The following SLC52A2 variants were observed in gnomAD, a reference collection of about 807,000 sequenced individuals.
SLC52A2 encodes solute carrier family 52, riboflavin transporter, member 2.
SLC52A2 carries 16 observed loss-of-function variants against 24.8 expected under a neutral mutation model. The ratio of observed to expected loss-of-function variants is 0.64; its 90% CI spans 0.44 to 0.98. SLC52A2 has a LOEUF of 0.98. Ranked by LOEUF, SLC52A2 falls within the 50% of genes least tolerant of loss-of-function variation. SLC52A2 has a pLI of 0.00. For missense variants in SLC52A2, 612 were observed against 575.9 expected (o/e 1.06, Z -0.64); for synonymous variants, 335 against 276.3 (o/e 1.21, Z -2.11).
chr8:144,360,108 G>T lies in SLC52A2; in HGVS notation c.616G>T (p.Ala206Ser). The T allele has an allele frequency of 6.2e-7, 1 of 1,612,944 alleles. No homozygotes were observed. The change falls in exon 3 of 5, where the codon GCT becomes TCT. Residue 206 changes from alanine (A) to serine (S), a missense_variant. Physicochemically the swap from Ala to Ser is moderately conservative, Grantham distance 99. Coordinates refer to ENST00000643944, the MANE Select transcript of SLC52A2 (RefSeq NM_001363118.2). ...FFWALTALLVASAAAFQGLLL... is the reference protein window; with the variant it reads ...FFWALTALLVSSAAAFQGLLL... ...CTGGGCACTGACTGCCCTTCTGGTC[G>T]CTTCAGCTGCTGCCTTCCAGGGTCT... is the stretch of plus-strand genomic sequence containing the variant.
rs538577149 is a variant in SLC52A2 at position 144,360,232 on chromosome 8, C to T, written c.740C>T (p.Ser247Phe). Residue 247 changes from serine (S) to phenylalanine (F), a missense_variant, in exon 3 of 5, where the codon TCC becomes TTC. By Grantham distance (155) the Ser-to-Phe change is radical (BLOSUM62 -2). Transcript: ENST00000643944. ...APGAEEEVEE[S>F]SPLQEPPSQA... ...GGAGCAGAGGAAGAGGTGGAAGAGT[C>T]CTCACCACTGCAAGAGCCACCAAGC... 21 of 1,612,732 alleles carry T rather than the reference C, an allele frequency of 1.3e-5. No homozygotes were observed. Among genetic ancestry groups the T allele is most frequent in the Admixed American group, 3.3e-5 (2 of 60,032 alleles).
In SLC52A2 at chr8:144,359,104, CG is replaced by C. The variant is rs1241052210; in HGVS notation, c.-111+43del. ...AATCCTCCCCATCTGCGCTCCTGCCCGGGGCTCCCCCAGTTCCCCTGGTCTC... is the reference window on the plus strand; with the variant it reads ...AATCCTCCCCATCTGCGCTCCTGCCCGGGCTCCCCCAGTTCCCCTGGTCTC... On this transcript the variant is annotated intron_variant, in intron 1 of 4. Transcript: ENST00000643944. The C allele has an allele frequency of 4.7e-6, 4 of 854,114 alleles. No individual in the cohort carries two copies. In the East Asian group the frequency reaches 1.1e-4, roughly 24 times the overall value. 52.9% of individuals were successfully genotyped at this position (854,114 alleles called of 1,614,324 possible).
In SLC52A2 at chr8:144,359,354, A is replaced by T; in HGVS notation, c.61A>T (p.Met21Leu). The change falls in exon 2 of 5, where the codon ATG becomes TTG. Residue 21 changes from methionine (M) to leucine (L), a missense_variant. Transcript: ENST00000643944. ...LTHLLVALFGMGSWAAVNGIW... is the reference protein window; with the variant it reads ...LTHLLVALFGLGSWAAVNGIW... Reference sequence around the variant, plus strand: ...CCACCTGCTGGTGGCTCTCTTCGGCATGGGCTCCTGGGCTGCGGTCAATGG... The same window carrying T: ...CCACCTGCTGGTGGCTCTCTTCGGCTTGGGCTCCTGGGCTGCGGTCAATGG... The T allele has an allele frequency of 1.2e-6, 2 of 1,614,008 alleles. No homozygotes were observed. The highest frequency in any genetic ancestry group is 2.2e-5 in the East Asian group (1 of 44,884).
chr8:144,358,730 G>C lies in SLC52A2; in HGVS notation c.-446G>C. ...CGGCACTGGAGCGGGAGCGCACTGG[G>C]CGCGGGACCGGGAGGCGCAGGGACC... On this transcript the variant is annotated 5_prime_UTR_variant, in exon 1 of 5. Transcript: ENST00000643944. 3.0e-6 allele frequency: 1 copy of C among 334,282 alleles called. No homozygotes were observed. The highest frequency in any genetic ancestry group is 5.4e-6 in the Non-Finnish European group (1 of 186,638). The allele number at this position is 334,282 out of a possible 1,614,324, so 20.7% of individuals were successfully genotyped here.
rs1818797138 is a variant in SLC52A2 at position 144,360,475 on chromosome 8, C to T, written c.983C>T (p.Ala328Val). Residue 328 changes from alanine (A) to valine (V), a missense_variant, in exon 3 of 5, where the codon GCC (alanine) becomes GTC (valine). Physicochemically the swap from Ala to Val is moderately conservative, Grantham distance 64. Transcript: ENST00000643944. The part of the protein sequence containing the change: ...SAANPLACFL[A>V]MGVLCRSLAG... ...GCCAATCCCCTGGCCTGCTTCCTGG[C>T]CATGGGTGTGCTGTGCAGGTACACA... 1.2e-6 allele frequency: 2 copies of T among 1,601,232 alleles called. No homozygotes were observed. The highest frequency in any genetic ancestry group is 1.7e-6 in the Non-Finnish European group (2 of 1,178,712).
Position 144,360,490 on chromosome 8 carries a change from G to A in SLC52A2, c.998G>A (p.Cys333Tyr), listed in dbSNP as rs562964502. ...LACFLAMGVLCRSLAGLGGLS... is the reference protein window; with the variant it reads ...LACFLAMGVLYRSLAGLGGLS... ...TGCTTCCTGGCCATGGGTGTGCTGT[G>A]CAGGTACACAAGGACCCCCAGCCCC... is the stretch of plus-strand genomic sequence containing the variant. The change falls in exon 3 of 5, where the codon TGC becomes TAC. Residue 333 changes from cysteine (C) to tyrosine (Y), a missense_variant. Transcript: ENST00000643944. 17 of 1,595,824 alleles carry A rather than the reference G, an allele frequency of 1.1e-5. No homozygotes were observed. In the Admixed American group the frequency reaches 1.8e-4, roughly 17 times the overall value.
At position 144,358,731 on chromosome 8, in the gene SLC52A2, C is replaced by T. The variant is rs1818606968; in HGVS notation, c.-445C>T. The T allele has an allele frequency of 1.2e-5, 4 of 331,612 alleles. No homozygotes were observed. The highest frequency in any genetic ancestry group is 2.2e-5 in the Non-Finnish European group (4 of 185,028). 20.5% of individuals were successfully genotyped at this position (331,612 alleles called of 1,614,324 possible). ...GGCACTGGAGCGGGAGCGCACTGGG[C>T]GCGGGACCGGGAGGCGCAGGGACCG... On this transcript the variant is annotated 5_prime_UTR_variant, in exon 1 of 5. Transcript: ENST00000643944.
Position 144,361,164 on chromosome 8 carries a change from G to T in SLC52A2, c.*149G>T. ...ATAGGAGATCCTGGCTTTCCAGGGT[G>T]GGCAAGGGCAAGGAGCAGGCTTGGA... On this transcript the variant is annotated 3_prime_UTR_variant, in exon 5 of 5. Transcript: ENST00000643944. The T allele has an allele frequency of 1.3e-6, 1 of 788,280 alleles. No homozygotes were observed. The highest frequency in any genetic ancestry group is 2.0e-6 in the Non-Finnish European group (1 of 498,572). The allele number at this position is 788,280 out of a possible 1,614,324, so 48.8% of individuals were successfully genotyped here. A position where few individuals can be genotyped will look rare whatever the true frequency, so the allele number is the denominator to read the frequency against.
Position 144,359,857 on chromosome 8 carries a change from C to T in SLC52A2, c.365C>T (p.Ala122Val). The change falls in exon 3 of 5, where the codon GCA (alanine) becomes GTA (valine). Residue 122 changes from alanine (A) to valine (V), a missense_variant. Transcript: ENST00000643944. ...TTCTTAGCACTGGCCTTTGTGCTGGCACTGGCATGCTGTGCCTCGAATGTC... is the reference window on the plus strand; with the variant it reads ...TTCTTAGCACTGGCCTTTGTGCTGGTACTGGCATGCTGTGCCTCGAATGTC... ...VAFLALAFVL[A>V]LACCASNVTF... The T allele has an allele frequency of 6.2e-7, 1 of 1,613,740 alleles. No homozygotes were observed. Among genetic ancestry groups the T allele is most frequent in the Non-Finnish European group, 8.5e-7 (1 of 1,180,018 alleles).
At chr8:144,360,738 G>A in intron 4 of SLC52A2, 25 bp downstream of exon 4, 1 of 1,603,372 alleles carries the variant, frequency 6.2e-7, no homozygotes, top group Non-Finnish European at 8.5e-7. Flanking sequence ...ACATGAAGTG[G>A]GGTGGGGGGG....
chr8:144,360,468 T>A lies in SLC52A2; in HGVS notation c.976T>A (p.Phe326Ile), dbSNP rs1818796581. The A allele has an allele frequency of 6.2e-7, 1 of 1,602,588 alleles. No individual in the cohort carries two copies. The highest frequency in any genetic ancestry group is 1.3e-5 in the African/African-American group (1 of 75,052). Reference protein sequence around the residue: ...LGSAANPLACFLAMGVLCRSL... With the variant: ...LGSAANPLACILAMGVLCRSL... The stretch of plus-strand genomic sequence containing the variant: ...CAGTGCTGCCAATCCCCTGGCCTGC[T>A]TCCTGGCCATGGGTGTGCTGTGCAG... The change falls in exon 3 of 5, where the codon TTC becomes ATC. Residue 326 changes from phenylalanine to isoleucine, a missense_variant. Phe to Ile is a conservative substitution (Grantham distance 21). Coordinates refer to ENST00000643944, the MANE Select transcript of SLC52A2 (RefSeq NM_001363118.2).
At position 144,359,385 on chromosome 8, in the gene SLC52A2, G is replaced by C. The variant is rs797045199; in HGVS notation, c.92G>C (p.Trp31Ser). ...MGSWAAVNGI[W>S]VELPVVVKEL... ...TCCTGGGCTGCGGTCAATGGGATCT[G>C]GGTGGAGCTACCTGTGGTGGTCAAA... Residue 31 changes from tryptophan (W) to serine (S), a missense_variant, in exon 2 of 5, where the codon TGG becomes TCG. By Grantham distance (177) the Trp-to-Ser change is radical (BLOSUM62 -3). Coordinates refer to ENST00000643944, the MANE Select transcript of SLC52A2 (RefSeq NM_001363118.2). 3.1e-6 allele frequency: 5 copies of C among 1,613,952 alleles called. No homozygotes were observed. Among genetic ancestry groups the C allele is most frequent in the Non-Finnish European group, 4.2e-6 (5 of 1,179,990 alleles).
rs1554853969 is a variant in SLC52A2 at position 144,359,920 on chromosome 8, T to C, written c.428T>C (p.Phe143Ser). Residue 143 changes from phenylalanine (F) to serine (S), a missense_variant, in exon 3 of 5, where the codon TTC becomes TCC. By Grantham distance (155) the Phe-to-Ser change is radical. Transcript: ENST00000643944. ...TTCTTGAGCCACCTGCCACCTCGCT[T>C]CTTACGGTCATTCTTCCTGGGTCAA... ...LPFLSHLPPR[F>S]LRSFFLGQGL... 1 of 1,613,694 alleles carries C rather than the reference T, an allele frequency of 6.2e-7. No individual in the cohort carries two copies. The highest frequency in any genetic ancestry group is 1.1e-5 in the South Asian group (1 of 91,090).
In SLC52A2 at chr8:144,360,310, C is replaced by T. The variant is rs532053820; in HGVS notation, c.818C>T (p.Ser273Leu). The part of the protein sequence containing the change: ...GPDPKAYQLL[S>L]ARSACLLGLL... ...GACCCTAAGGCCTATCAGCTTCTAT[C>T]AGCCCGCAGTGCCTGCCTGCTGGGC... The change falls in exon 3 of 5, where the codon TCA becomes TTA. Residue 273 changes from serine (S) to leucine (L), a missense_variant. Coordinates refer to ENST00000643944, the MANE Select transcript of SLC52A2 (RefSeq NM_001363118.2). 1 of 1,610,602 alleles carries T rather than the reference C, an allele frequency of 6.2e-7. No individual in the cohort carries two copies. The highest frequency in any genetic ancestry group is 1.7e-5 in the Admixed American group (1 of 60,026).
In SLC52A2 at chr8:144,360,665, G is replaced by C. The variant is rs782614325; in HGVS notation, c.1077G>C (p.Leu359=). The change falls in exon 4 of 5, where the codon CTG becomes CTC. Residue 359 remains leucine, a synonymous_variant. Coordinates refer to ENST00000643944, the MANE Select transcript of SLC52A2 (RefSeq NM_001363118.2). ...GCTACCTGATGGCGCTGGCAGTCCT[G>C]AGCCCCTGCCCGCCCCTGGTGGGCA... The part of the protein sequence containing the change: ...CGGYLMALAV[L]SPCPPLVGTS... 1.2e-6 allele frequency: 2 copies of C among 1,604,988 alleles called. No individual in the cohort carries two copies. The highest frequency in any genetic ancestry group is 8.5e-7 in the Non-Finnish European group (1 of 1,179,466).
Position 144,359,774 on chromosome 8 carries a change from G to C in SLC52A2, c.282G>C (p.Leu94=). The part of the protein sequence containing the change: ...VQVLGMVGTA[L]LASLWHHVAP... ...TGCTGGGCATGGTGGGCACAGCCCT[G>C]CTGGCCTCTCTGTGGCACCATGTGG... Residue 94 remains leucine, a synonymous_variant, in exon 3 of 5, where the codon CTG becomes CTC. Transcript: ENST00000643944. The C allele has an allele frequency of 6.2e-7, 1 of 1,613,622 alleles. No homozygotes were observed. The highest frequency in any genetic ancestry group is 8.5e-7 in the Non-Finnish European group (1 of 1,180,008).
Position 144,360,322 on chromosome 8 carries a change from C to A in SLC52A2, c.830C>A (p.Ala277Asp). 1 of 1,609,874 alleles carries A rather than the reference C, an allele frequency of 6.2e-7. No individual in the cohort carries two copies. The highest frequency in any genetic ancestry group is 8.5e-7 in the Non-Finnish European group (1 of 1,180,002). The part of the protein sequence containing the change: ...KAYQLLSARS[A>D]CLLGLLAATN... ...TATCAGCTTCTATCAGCCCGCAGTGCCTGCCTGCTGGGCCTGTTGGCCGCC... is the reference window on the plus strand; with the variant it reads ...TATCAGCTTCTATCAGCCCGCAGTGACTGCCTGCTGGGCCTGTTGGCCGCC... The change falls in exon 3 of 5, where the codon GCC (alanine) becomes GAC (aspartate). Residue 277 changes from alanine to aspartate, a missense_variant. Transcript: ENST00000643944.
rs149050347 is a variant in SLC52A2 at position 144,360,410 on chromosome 8, G to A, written c.918G>A (p.Gly306=). ...AGAGCTTTTCCTGCTTACCCTACGG[G>A]CGTCTGGCCTACCACCTGGCTGTGG... The part of the protein sequence containing the change: ...AVQSFSCLPY[G]RLAYHLAVVL... Residue 306 remains glycine, a synonymous_variant, in exon 3 of 5, where the codon GGG becomes GGA. Coordinates refer to ENST00000643944, the MANE Select transcript of SLC52A2 (RefSeq NM_001363118.2). 2 of 1,607,122 alleles carry A rather than the reference G, an allele frequency of 1.2e-6. No homozygotes were observed. Among genetic ancestry groups the A allele is most frequent in the Admixed American group, 1.7e-5 (1 of 60,006 alleles).
In SLC52A2 at chr8:144,360,904, C is replaced by T. The variant is rs147518188; in HGVS notation, c.1227C>T (p.Gly409=). 71 of 1,613,058 alleles carry T rather than the reference C, an allele frequency of 4.4e-5. 1 individual carries two copies. In the Middle Eastern group the frequency reaches 1.3e-3, roughly 30 times the overall value. ...GGGRPALLAA[G]VAIQVGSLLG... ...GCCGGCCGGCATTGCTGGCAGCCGG[C>T]GTGGCCATCCAGGTGGGCTCTCTGC... Residue 409 remains glycine, a synonymous_variant, in exon 5 of 5, where the codon GGC becomes GGT. Coordinates refer to ENST00000643944, the MANE Select transcript of SLC52A2 (RefSeq NM_001363118.2).
Sources: allele counts gnomAD v4.1 joint callset, GRCh38; gene constraint gnomAD v4.1.1; transcripts MANE v1.5; gene names NCBI Gene and HGNC (gene_info 2026-07-23, HGNC 2026-07-21).